The following RPSA2 variants were observed in gnomAD, a reference collection of about 807,000 sequenced individuals.
The protein encoded by RPSA2 is small ribosomal subunit protein uS2B.
At chr19:23,839,407 C>T in the RPSA2 span, among the ~76,000 whole-genome samples, 1 of 152,090 alleles carries the variant, frequency 6.6e-6, no homozygotes, top group South Asian at 2.1e-4. Context: ...CAGTCACAGG[C>T]CTCACTCAGC....
At chr19:23,831,046 GA>G in the RPSA2 span, among the ~76,000 whole-genome samples, 1 of 152,046 alleles carries the variant, frequency 6.6e-6, no homozygotes, top group Non-Finnish European at 1.5e-5. Context: ...GTAGGAGTCA[GA>G]AATCACTTGC....
the RPSA2 span, chr19:23,818,906 TG>T: frequency 6.6e-6 from 1 of 152,584 alleles, no homozygotes; most frequent in Non-Finnish European, 1.5e-5. Context: ...AATGGGTCCC[TG>T]CATACCTATA....
chr19:23,851,786 G>A, the RPSA2 span, among the ~76,000 whole-genome samples: 5 of 152,246 alleles, frequency 3.3e-5, no homozygotes, highest in East Asian at 3.9e-4. Flanking sequence ...TTGGTCAGTC[G>A]AAGGACCACC....
the RPSA2 span, among the ~76,000 whole-genome samples, chr19:23,828,515 C>G: frequency 1.5e-3 from 5 of 3,274 alleles, no homozygotes; most frequent in Non-Finnish European, 5.6e-3. Flanking sequence ...AGAGCACACT[C>G]AAGAGTGTGT....
the RPSA2 span, among the ~76,000 whole-genome samples, chr19:23,848,934 G>A: frequency 1.1e-4 from 16 of 152,314 alleles, no homozygotes; most frequent in African/African-American, 3.1e-4. Context: ...CAACTAAAGT[G>A]AAAACAAATC....
chr19:23,766,581 AGTAG>A, the RPSA2 span, among the ~76,000 whole-genome samples: 1 of 150,728 alleles, frequency 6.6e-6, no homozygotes, highest in African/African-American at 2.4e-5. Flanking sequence ...CAGCCTTCCG[AGTAG>A]CTGGGACTAC....
the RPSA2 span, among the ~76,000 whole-genome samples, chr19:23,855,902 G>A: frequency 3.3e-5 from 5 of 152,266 alleles, no homozygotes; most frequent in African/African-American, 1.2e-4. Flanking sequence ...GACCGCAAAG[G>A]TTTGGAGAGG....
At chr19:23,761,964 C>T in the RPSA2 span, among the ~76,000 whole-genome samples, 4 of 93,524 alleles carry the variant, frequency 4.3e-5, no homozygotes, top group Admixed American at 2.4e-4. Flanking sequence ...ATCGCCCAGG[C>T]TGGAGTGCAG....
the RPSA2 span, chr19:23,832,618 T>G: frequency 7.1e-7 from 1 of 1,401,148 alleles, no homozygotes; most frequent in African/African-American, 1.4e-5. Context: ...AGGTAATTCA[T>G]ACTGGGAGAG....
chr19:23,848,072 TAC>T, the RPSA2 span, among the ~76,000 whole-genome samples: 3 of 152,172 alleles, frequency 2.0e-5, no homozygotes, highest in Non-Finnish European at 4.4e-5. Context: ...AATCAATTTG[TAC>T]AGTTAACACA....
the RPSA2 span, among the ~76,000 whole-genome samples, chr19:23,762,205 C>T: frequency 1.3e-5 from 2 of 151,140 alleles, no homozygotes; most frequent in Admixed American, 6.6e-5. Context: ...CGTGAGCCAC[C>T]GTGCCCGGCC....
At chr19:23,866,489 A>G in the RPSA2 span, among the ~76,000 whole-genome samples, 2 of 151,950 alleles carry the variant, frequency 1.3e-5, no homozygotes, top group African/African-American at 4.8e-5. Flanking sequence ...AGACCTCAGG[A>G]CAAAAAGGAT....
At chr19:23,761,906 T>TCTCTCTCTCTCTCTCTCTCTCTCTCTCGC in the RPSA2 span, among the ~76,000 whole-genome samples, 3 of 92,100 alleles carry the variant, frequency 3.3e-5, no homozygotes, top group African/African-American at 9.7e-5. Flanking sequence ...ACGTAATTCT[T>TCTCTCTCTCTCTCTCTCTCTCTCTCTCGC]TCTTTCTTTC....
At chr19:23,778,178 G>C in the RPSA2 span, among the ~76,000 whole-genome samples, 2 of 152,040 alleles carry the variant, frequency 1.3e-5, no homozygotes, top group African/African-American at 4.8e-5. Flanking sequence ...TAGATCTCTT[G>C]GCCAATCAAC....
chr19:23,821,037 A>T, the RPSA2 span, among the ~76,000 whole-genome samples: 1 of 152,212 alleles, frequency 6.6e-6, no homozygotes, highest in South Asian at 2.1e-4. Flanking sequence ...TTGAATTGGG[A>T]GCAAAATAGC....
the RPSA2 span, among the ~76,000 whole-genome samples, chr19:23,812,933 A>G: frequency 5.9e-5 from 9 of 152,332 alleles, no homozygotes; most frequent in African/African-American, 1.9e-4. Flanking sequence ...CTATTTAAAT[A>G]TACATGTCAC....
chr19:23,807,915 T>C, the RPSA2 span: 1 of 354,124 alleles, frequency 2.8e-6, no homozygotes, highest in Non-Finnish European at 5.7e-6. Context: ...TATAGAGGAA[T>C]GTTATGAAAA....
the RPSA2 span, among the ~76,000 whole-genome samples, chr19:23,870,144 A>G: frequency 6.6e-6 from 1 of 152,174 alleles, no homozygotes; most frequent in African/African-American, 2.4e-5. Context: ...ATGCCTGTAG[A>G]GCCTCAGGCA....
chr19:23,868,834 C>A, the RPSA2 span, among the ~76,000 whole-genome samples: 3 of 152,178 alleles, frequency 2.0e-5, no homozygotes, highest in African/African-American at 7.2e-5. Flanking sequence ...TGGTGGCCAA[C>A]CATGGGCCCG....
Sources: gnomAD v4.1 joint callset for allele counts (sites outside exome capture counted in the v4.1 genomes callset) on GRCh38, gnomAD v4.1.1 for gene constraint, MANE v1.5 for transcripts, NCBI Gene and HGNC (gene_info 2026-07-23, HGNC 2026-07-21) for gene names.